GNB4: variants seen among roughly 807,000 people sequenced by gnomAD.
GNB4 encodes guanine nucleotide-binding protein subunit beta-4.
Under a neutral mutation model 45.2 loss-of-function variants are expected in GNB4, and 28 were observed. The ratio of observed to expected loss-of-function variants is 0.62; its 90% CI spans 0.46 to 0.85. The LOEUF (loss-of-function observed/expected upper bound fraction) is 0.85. GNB4 is among the 40% of genes least tolerant of loss of function. GNB4 has a pLI of 0.00. For synonymous variants in GNB4, 132 were observed against 143.7 expected (o/e 0.92, Z 0.58); for missense variants, 321 against 425.4 (o/e 0.75, Z 2.16).
chr3:179,433,260 T>A (rs1559978782), intron 1 of GNB4, among the ~76,000 whole-genome samples: 4 of 150,050 alleles, frequency 2.7e-5, no homozygotes, highest in African/African-American at 9.8e-5. Context: ...GCATGCTATT[T>A]AAAAAAAAAC....
chr3:179,476,594 G>GCAATTCAGTATT, the GNB4 span, among the ~76,000 whole-genome samples: 5 of 152,306 alleles, frequency 3.3e-5, no homozygotes, highest in South Asian at 1.0e-3. Context: ...CCCTAGTAGG[G>GCAATTCAGTATT]GCTCTCTGAG....
At chr3:179,451,031 G>A (rs1242423236) in intron 1 of GNB4, 1 of 152,268 alleles carries the variant, frequency 6.6e-6, no homozygotes, top group African/African-American at 2.4e-5. Flanking sequence ...GAGAAACCAG[G>A]GGGGTCTGCA....
intron 1 of GNB4, among the ~76,000 whole-genome samples, chr3:179,429,714 C>T (rs1715249777): frequency 6.6e-6 from 1 of 152,092 alleles, no homozygotes; most frequent in Admixed American, 6.5e-5. Flanking sequence ...TTCTTTCAGC[C>T]AGCACTCAAG....
intron 6 of GNB4, among the ~76,000 whole-genome samples, chr3:179,414,348 T>C (rs1389086199): frequency 1.3e-5 from 2 of 152,200 alleles, no homozygotes; most frequent in Non-Finnish European, 2.9e-5. Context: ...AACACCATTC[T>C]AGAGATTTTG....
intron 4 of GNB4, 105 bp downstream of exon 4, chr3:179,419,294 T>A (rs1260629304): frequency 1.3e-6 from 1 of 775,008 alleles, no homozygotes; most frequent in Non-Finnish European, 2.3e-6. Context: ...CTGCAAACGC[T>A]TCATGAATAT....
intron 8 of GNB4, among the ~76,000 whole-genome samples, chr3:179,409,523 A>C (rs559410501): frequency 3.4e-5 from 5 of 146,892 alleles, no homozygotes; most frequent in South Asian, 2.2e-4. Flanking sequence ...AAAAACAAAA[A>C]AAAAAAGGCC....
intron 1 of GNB4, among the ~76,000 whole-genome samples, chr3:179,444,614 A>C (rs1715674224): frequency 6.6e-6 from 1 of 152,104 alleles, no homozygotes; most frequent in African/African-American, 2.4e-5. Flanking sequence ...TAAGAGGCTG[A>C]GATGTGAGGA....
At chr3:179,451,542 GCGAGGCGCGAGGCA>G (rs1171901084), upstream of GNB4, 1 of 150,108 alleles carries the variant, frequency 6.7e-6, no homozygotes, top group Non-Finnish European at 1.5e-5. Context: ...GGCTGGAGGC[GCGAGGCGCGAGGCA>G]CGAGGCGCGC....
At chr3:179,420,487 C>T (rs1560216221) in intron 3 of GNB4, among the ~76,000 whole-genome samples, 1 of 149,174 alleles carries the variant, frequency 6.7e-6, no homozygotes, top group Non-Finnish European at 1.5e-5. Context: ...TTTGAGACGG[C>T]GTCTCACTCT....
At chr3:179,481,956 G>A in the GNB4 span, among the ~76,000 whole-genome samples, 23 of 151,994 alleles carry the variant, frequency 1.5e-4, 1 homozygote, top group Non-Finnish European at 3.1e-4. Flanking sequence ...AGGCTGGAGT[G>A]CAGTGACACA....
rs944781258 is a variant in GNB4, at chr3:179,447,372, A to AT, written c.-43+3973dup. Among the ~76,000 whole-genome samples the AT allele has an allele frequency of 2.0e-4, 29 of 144,146 alleles. 2 individuals are homozygous for AT. Among genetic ancestry groups the AT allele is most frequent in the African/African-American group, 4.6e-4 (18 of 39,272 alleles). 94.6% of individuals were successfully genotyped at this position (144,146 alleles called of 152,430 possible). ...AAAAAAAAAAAAAAAAAAAATCCTG[A>AT]TTTTTTTTCAGATGGGGTCTCACTC... On this transcript the variant is annotated intron_variant, in intron 1 of 9. Transcript: ENST00000232564.
At chr3:179,418,464 C>CT (rs1334963851) in intron 4 of GNB4, among the ~76,000 whole-genome samples, 1 of 105,534 alleles carries the variant, frequency 9.5e-6, no homozygotes, top group Non-Finnish European at 1.9e-5. Flanking sequence ...GAGTGAAACT[C>CT]TGTCTCAAAA....
chr3:179,523,782 G>A, the GNB4 span, among the ~76,000 whole-genome samples: 3 of 152,022 alleles, frequency 2.0e-5, no homozygotes, highest in Admixed American at 6.6e-5. Flanking sequence ...GGGTTAAGGT[G>A]GGGGGGATAT....
intron 1 of GNB4, among the ~76,000 whole-genome samples, chr3:179,438,351 G>A (rs963468163): frequency 7.2e-5 from 11 of 152,116 alleles, no homozygotes; most frequent in South Asian, 2.1e-4. Context: ...GTGTGACCCC[G>A]GAAATTCTTT....
the GNB4 span, among the ~76,000 whole-genome samples, chr3:179,504,223 G>A: frequency 6.6e-6 from 1 of 152,112 alleles, no homozygotes; most frequent in Admixed American, 6.5e-5. Flanking sequence ...AAAAGGTAAA[G>A]TTTTATAAAA....
At chr3:179,437,318 A>G (rs1247789357) in intron 1 of GNB4, among the ~76,000 whole-genome samples, 1 of 152,134 alleles carries the variant, frequency 6.6e-6, no homozygotes, top group Non-Finnish European at 1.5e-5. Flanking sequence ...TAACCCCAGC[A>G]CTTTGGGAGG....
the GNB4 span, among the ~76,000 whole-genome samples, chr3:179,470,507 A>C: frequency 1.5e-3 from 227 of 150,884 alleles, 1 homozygote; most frequent in Non-Finnish European, 2.8e-3. Context: ...ATGAAGATAT[A>C]GAGAAAGAAA....
rs13088298 is a variant in GNB4 at position 179,397,713 on chromosome 3, A to T, written c.*3500T>A. 0.2 allele frequency: 30,439 copies of T among 152,624 alleles called. 3,417 individuals carry two copies. Among genetic ancestry groups the T allele is most frequent in the Admixed American group, 0.25 (3,761 of 15,274 alleles). 9.5% of individuals were successfully genotyped at this position (152,624 alleles called of 1,614,324 possible). A position where few individuals can be genotyped will look rare whatever the true frequency, so the allele number is the denominator to read the frequency against. On this transcript the variant is annotated 3_prime_UTR_variant, in exon 10 of 10. Coordinates refer to ENST00000232564, the MANE Select transcript of GNB4 (RefSeq NM_021629.4). Reference sequence around the variant, plus strand: ...AAATGAGGCCTGTCCATTAAAGTGGAGGAGATATCCTTGCTGATGGCAAAA... The same window carrying T: ...AAATGAGGCCTGTCCATTAAAGTGGTGGAGATATCCTTGCTGATGGCAAAA...
chr3:179,468,035 A>AAAAAAAAAAAATATATATATATATATAT, the GNB4 span, among the ~76,000 whole-genome samples: 209 of 89,836 alleles, frequency 2.3e-3, 10 homozygotes, highest in African/African-American at 8.1e-3. Flanking sequence ...TGTTGATAAA[A>AAAAAAAAAAAATATATATATATATATAT]ATATATATAT....
Sources: gnomAD v4.1 joint callset for allele counts (sites outside exome capture counted in the v4.1 genomes callset) on GRCh38, gnomAD v4.1.1 for gene constraint, MANE v1.5 for transcripts, NCBI Gene and HGNC (gene_info 2026-07-23, HGNC 2026-07-21) for gene names.